Variants in MSN observed in about 807,000 individuals in gnomAD.
MSN encodes the protein moesin.
A neutral mutation model predicts 48.0 loss-of-function variants in MSN; 2 were observed. The ratio of observed to expected loss-of-function variants is 0.04; its 90% CI spans 0.02 to 0.13. The LOEUF is 0.13. Among genes scored for constraint, MSN ranks in the 10% least tolerant of loss-of-function variants. MSN has a pLI of 1.00. For missense variants in MSN, 267 were observed against 470.1 expected (o/e 0.57, Z 3.99); for synonymous variants, 146 against 166.9 (o/e 0.87, Z 0.97).
chrX:65,719,109 G>T (rs1442733110), intron 2 of MSN, among the ~76,000 whole-genome samples: 1 of 112,041 alleles, frequency 8.9e-6, no homozygotes, highest in Non-Finnish European at 1.9e-5. Flanking sequence ...ATGACTAAAT[G>T]CATTCTAATT....
chrX:65,717,701 G>C (rs2071480148), intron 2 of MSN, among the ~76,000 whole-genome samples: 1 of 111,851 alleles, frequency 8.9e-6, no homozygotes, highest in Admixed American at 9.5e-5. Flanking sequence ...CCAGAGGCTG[G>C]GACCTCACCA....
At chrX:65,652,400 C>A (rs2070749424) in intron 1 of MSN, among the ~76,000 whole-genome samples, 1 of 111,519 alleles carries the variant, frequency 9.0e-6, no homozygotes, top group Non-Finnish European at 1.9e-5. Flanking sequence ...CCTTTAGGAG[C>A]TTTTGTTGGA....
Position 65,685,636 on chromosome X carries a change from C to G in MSN, c.12+17783C>G, listed in dbSNP as rs1444735255. On this transcript the variant is annotated intron_variant, in intron 1 of 12. Coordinates refer to ENST00000360270, the MANE Select transcript of MSN (RefSeq NM_002444.3). ...TTTGAGACAGAGTCTTGCTCTGTCA[C>G]CCAGGTTGGAGTGCAGTGGTATGAT... Among the ~76,000 whole-genome samples, 22 of 111,833 alleles carry G rather than the reference C, an allele frequency of 2.0e-4. No homozygotes were observed. In the Admixed American group the frequency reaches 2.1e-3, roughly 11 times the overall value.
rs750877474 is a variant in MSN at position 65,598,293 on chromosome X, TAGAG to T, written c.-22+9684_-22+9687del. ...GGAAAAAATGGAGGAGAGATAAAAA[TAGAG>T]AGCAGGAATTAGAGACAGACAGAAA... On this transcript the variant is annotated intron_variant, in intron 1 of 3. Coordinates refer to the MSN transcript ENST00000609672. Among the ~76,000 whole-genome samples the T allele has an allele frequency of 3.9e-5, 4 of 103,631 alleles. No individual in the cohort carries two copies. In the South Asian group the frequency reaches 1.3e-3, roughly 34 times the overall value. The allele number at this position is 103,631 out of a possible 115,157, so 90.0% of individuals were successfully genotyped here.
At chrX:65,696,457 T>C (rs1031356004) in intron 1 of MSN, among the ~76,000 whole-genome samples, 2 of 111,839 alleles carry the variant, frequency 1.8e-5, no homozygotes, top group Non-Finnish European at 3.8e-5. Flanking sequence ...TATGGAACAA[T>C]GTATGTTGCC....
chrX:65,671,767 G>A (rs969234382), intron 1 of MSN, among the ~76,000 whole-genome samples: 2 of 111,932 alleles, frequency 1.8e-5, no homozygotes, highest in Non-Finnish European at 3.8e-5. Flanking sequence ...TGGTGGGGCA[G>A]GAAGGCCTTT....
At chrX:65,636,615 C>T (rs373600761) in intron 1 of MSN, among the ~76,000 whole-genome samples, 3 of 106,717 alleles carry the variant, frequency 2.8e-5, no homozygotes, top group East Asian at 3.0e-4. Flanking sequence ...GGCATGGTGG[C>T]GGGCACCTGT....
At chrX:65,612,791 C>T (rs73629459) in intron 1 of MSN, among the ~76,000 whole-genome samples, 1,540 of 108,680 alleles carry the variant, frequency 0.014, 27 homozygotes, top group African/African-American at 0.048. Flanking sequence ...AAGTGATTCC[C>T]CCGCCTCAGC....
intron 1 of MSN, among the ~76,000 whole-genome samples, chrX:65,715,079 C>T (rs1220394924): frequency 9.0e-6 from 1 of 111,583 alleles, no homozygotes; most frequent in Non-Finnish European, 1.9e-5. Context: ...AATTGGGAGT[C>T]CTTTTTCCAT....
At chrX:65,733,056 A>AT (rs1479155627) in intron 6 of MSN, 128 bp from the exon 7 acceptor site, 69 of 484,689 alleles carry the variant, frequency 1.4e-4, no homozygotes, top group Non-Finnish European at 1.7e-4. Context: ...GTCTCTATTT[A>AT]TTTTAAAAAA....
chrX:65,675,275 T>G (rs1330953751), intron 1 of MSN, among the ~76,000 whole-genome samples: 1 of 111,894 alleles, frequency 8.9e-6, no homozygotes, highest in African/African-American at 3.3e-5. Flanking sequence ...AAAAACGGCT[T>G]GAGAAAAATA....
intron 1 of MSN, among the ~76,000 whole-genome samples, chrX:65,656,035 G>T (rs1227063021): frequency 8.9e-6 from 1 of 112,256 alleles, no homozygotes; most frequent in Non-Finnish European, 1.9e-5. Context: ...CCAAAGTTCA[G>T]GGATTACAGG....
intron 1 of MSN, among the ~76,000 whole-genome samples, chrX:65,626,556 A>T (rs1225260933): frequency 2.7e-5 from 3 of 110,760 alleles, no homozygotes; most frequent in Non-Finnish European, 5.7e-5. Flanking sequence ...GTTTTTTTTT[A>T]AAAAGCTTAT....
chrX:65,612,000 ATCT>A (rs1441813301), intron 1 of MSN, among the ~76,000 whole-genome samples: 1 of 111,998 alleles, frequency 8.9e-6, no homozygotes, highest in Admixed American at 9.5e-5. Flanking sequence ...GATATTTTAT[ATCT>A]TCTTTGAAGA....
intron 1 of MSN, among the ~76,000 whole-genome samples, chrX:65,690,150 C>A (rs1168658170): frequency 9.0e-6 from 1 of 111,731 alleles, no homozygotes; most frequent in Non-Finnish European, 1.9e-5. Context: ...TCAATATTTT[C>A]TGAGCACTCC....
At chrX:65,648,434 T>G (rs1250183485) in intron 1 of MSN, among the ~76,000 whole-genome samples, 1 of 111,952 alleles carries the variant, frequency 8.9e-6, no homozygotes, top group Non-Finnish European at 1.9e-5. Context: ...GCGCCTGTGA[T>G]CTCAGCTACT....
At chrX:65,654,103 C>CTTTT (rs776587090) in intron 1 of MSN, among the ~76,000 whole-genome samples, 1 of 67,690 alleles carries the variant, frequency 1.5e-5, no homozygotes, top group Non-Finnish European at 2.7e-5. Context: ...GGAGACCCTT[C>CTTTT]TTTTTTTTTT....
At chrX:65,649,241 A>C (rs967550981) in intron 1 of MSN, among the ~76,000 whole-genome samples, 4 of 97,020 alleles carry the variant, frequency 4.1e-5, no homozygotes, top group Admixed American at 3.3e-4. Flanking sequence ...GGTAGCTTAA[A>C]AAAATTTATA....
intron 3 of MSN, among the ~76,000 whole-genome samples, chrX:65,728,822 C>A (rs1046255320): frequency 9.0e-6 from 1 of 111,460 alleles, no homozygotes; most frequent in African/African-American, 3.3e-5. Flanking sequence ...GGCAGCCTTC[C>A]ATCTTCGTAT....
Sources: gnomAD v4.1 joint callset for allele counts (sites outside exome capture counted in the v4.1 genomes callset) on GRCh38, gnomAD v4.1.1 for gene constraint, MANE v1.5 for transcripts, NCBI Gene and HGNC (gene_info 2026-07-23, HGNC 2026-07-21) for gene names.